Variants in TLE3 observed in about 807,000 individuals in gnomAD.
TLE3 encodes the protein TLE family member 3, transcriptional corepressor, also known as transducin-like enhancer protein 3.
A neutral mutation model predicts 93.0 loss-of-function variants in TLE3; 14 were observed. That is an observed-to-expected ratio of 0.15 (90% CI 0.10 to 0.24). The LOEUF is 0.24. Ranked by LOEUF, TLE3 falls within the 10% of genes least tolerant of loss-of-function variation. The pLI is 1.00. For synonymous variants in TLE3, 451 were observed against 425.0 expected (o/e 1.06, Z -0.75); for missense variants, 693 against 1,046.6 (o/e 0.66, Z 4.66).
chr15:70,077,262 A>G (rs2057493316), intron 4 of TLE3, among the ~76,000 whole-genome samples: 1 of 152,228 alleles, frequency 6.6e-6, no homozygotes, highest in Non-Finnish European at 1.5e-5. Context: ...CCAGATAGAA[A>G]GGCCTAGAAC....
At chr15:70,057,906 G>C in intron 12 of TLE3, 1 of 715,144 alleles carries the variant, frequency 1.4e-6, no homozygotes, top group East Asian at 2.7e-5. Context: ...AGCCTCACTG[G>C]ACTAATGACA....
intron 7 of TLE3, among the ~76,000 whole-genome samples, chr15:70,065,239 G>A (rs1466990458): frequency 6.6e-6 from 1 of 152,254 alleles, no homozygotes; most frequent in Non-Finnish European, 1.5e-5. Context: ...CGTATCTAAG[G>A]GCAGAGTGCA....
At position 70,058,219 on chromosome 15, in the gene TLE3, T is replaced by A; in HGVS notation, c.991A>T (p.Thr331Ser). Residue 331 changes from threonine (T) to serine (S), a missense_variant, in exon 12 of 20, where the codon ACC becomes TCC. Coordinates refer to ENST00000451782, the MANE Select transcript of TLE3 (RefSeq NM_001105192.3). This position sits in a 1 kb window ranked among gnomAD's most constrained non-coding sequence, Gnocchi z 4.1. Reference protein sequence around the residue: ...TPRNDAPTPGTSTTPGLRSMP... With the variant: ...TPRNDAPTPGSSTTPGLRSMP... ...GACCTGAGCCCTGGGGTCGTGCTGG[T>A]GCCTGGAGTTGGGGCGTCGTTCCTT... 6.2e-7 allele frequency: 1 copy of A among 1,613,756 alleles called. No homozygotes were observed. The highest frequency in any genetic ancestry group is 8.5e-7 in the Non-Finnish European group (1 of 1,179,796).
chr15:70,055,798 G>C (rs1425695278), intron 14 of TLE3: 1 of 212,900 alleles, frequency 4.7e-6, no homozygotes, highest in Non-Finnish European at 9.5e-6. Context: ...TTGACAATTA[G>C]AGGACTGTGT....
chr15:70,055,111 C>G lies in TLE3; in HGVS notation c.1516G>C (p.Val506Leu). Residue 506 changes from valine to leucine, a missense_variant, in exon 15 of 20, where the codon GTG becomes CTG. Val to Leu is a conservative substitution (Grantham distance 32). This residue lies in a region of TLE3 where 153 missense variants were observed against 379.9 expected (regional missense o/e 0.40). Coordinates refer to ENST00000451782, the MANE Select transcript of TLE3 (RefSeq NM_001105192.3). ...GGCTGGCTGATGTCCCAGATCTTCACGCAGCCCTTGCCACCTGTGTAGACG... is the reference window on the plus strand; with the variant it reads ...GGCTGGCTGATGTCCCAGATCTTCAGGCAGCCCTTGCCACCTGTGTAGACG... ...RHVYTGGKGC[V>L]KIWDISQPGS... 6.2e-7 allele frequency: 1 copy of G among 1,614,124 alleles called. No individual in the cohort carries two copies. Among genetic ancestry groups the G allele is most frequent in the East Asian group, 2.2e-5 (1 of 44,878 alleles).
At chr15:70,089,113 C>G (rs922990659) in intron 4 of TLE3, among the ~76,000 whole-genome samples, 4 of 152,218 alleles carry the variant, frequency 2.6e-5, no homozygotes, top group African/African-American at 9.6e-5. Flanking sequence ...TGCCTTGCCG[C>G]GAGCTGTTGC....
At chr15:70,055,026 C>T (rs373969231) in intron 15 of TLE3, 23 bp downstream of exon 15, 69 of 1,579,094 alleles carry the variant, frequency 4.4e-5, no homozygotes, top group South Asian at 2.7e-4. Context: ...CTGGAGGCGG[C>T]GCAGCAGCCC....
At chr15:70,050,348 C>T (rs1470199448) in intron 19 of TLE3, 144 bp from the exon 20 acceptor site, 3 of 667,896 alleles carry the variant, frequency 4.5e-6, no homozygotes, top group African/African-American at 3.6e-5. Flanking sequence ...ATGCTCCGAC[C>T]TGGAGCACAG....
chr15:70,062,973 A>G (rs1253601922), intron 8 of TLE3, among the ~76,000 whole-genome samples: 4 of 152,202 alleles, frequency 2.6e-5, no homozygotes, highest in Admixed American at 2.6e-4. Context: ...CAGATGGGGC[A>G]CAAAGCCAGA....
intron 4 of TLE3, chr15:70,079,396 A>ACGTTGGGAGAACCTCCTGGTTCAC (rs2057632605): frequency 2.2e-6 from 1 of 456,842 alleles, no homozygotes; most frequent in Non-Finnish European, 4.3e-6. Flanking sequence ...GGCTGGGCTT[A>ACGTTGGGAGAACCTCCTGGTTCAC]CGTTGGGAGA....
intron 8 of TLE3, among the ~76,000 whole-genome samples, chr15:70,061,320 G>A (rs796365028): frequency 1.3e-5 from 2 of 152,112 alleles, no homozygotes; most frequent in South Asian, 4.1e-4. Flanking sequence ...AAGGAGCAAG[G>A]GCAGGGACAG....
chr15:70,052,284 A>G, intron 18 of TLE3, 90 bp downstream of exon 18: 1 of 1,523,758 alleles, frequency 6.6e-7, no homozygotes, highest in African/African-American at 1.4e-5. Flanking sequence ...CTTATTCTAT[A>G]AGCTTTGGGC....
At position 70,056,291 on chromosome 15, in the gene TLE3, A is replaced by G; in HGVS notation, c.1328+7T>C. 2 of 1,613,524 alleles carry G rather than the reference A, an allele frequency of 1.2e-6. No homozygotes were observed. The highest frequency in any genetic ancestry group is 1.7e-6 in the Non-Finnish European group (2 of 1,179,816). ...CAAAGCATGCAGTAAGTATAGCCAAAGCTTACGGTTTTCCTCCAGGAATGG... is the reference window on the plus strand; with the variant it reads ...CAAAGCATGCAGTAAGTATAGCCAAGGCTTACGGTTTTCCTCCAGGAATGG... On this transcript the variant is annotated splice_region_variant and intron_variant, in intron 14 of 19. Coordinates refer to ENST00000451782, the MANE Select transcript of TLE3 (RefSeq NM_001105192.3).
At chr15:70,079,988 A>T (rs1427798259) in intron 4 of TLE3, among the ~76,000 whole-genome samples, 2 of 151,922 alleles carry the variant, frequency 1.3e-5, no homozygotes, top group Non-Finnish European at 2.9e-5. Flanking sequence ...AATTGACAGC[A>T]CTTCTGATTA....
chr15:70,051,247 T>C, intron 19 of TLE3, 144 bp downstream of exon 19: 1 of 713,134 alleles, frequency 1.4e-6, no homozygotes. Flanking sequence ...CCCTATCAGG[T>C]AGGGGTGGGG....
chr15:70,095,681 G>T (rs936103996), intron 2 of TLE3, 40 bp from the exon 3 acceptor site: 14 of 1,549,318 alleles, frequency 9.0e-6, no homozygotes, highest in African/African-American at 1.4e-5. Flanking sequence ...GTGGCGCCTG[G>T]ACAGCCTCCT....
intron 4 of TLE3, among the ~76,000 whole-genome samples, chr15:70,094,275 T>C (rs2058444793): frequency 6.6e-6 from 1 of 152,026 alleles, no homozygotes; most frequent in Non-Finnish European, 1.5e-5. Context: ...AACTTTCCCT[T>C]TGGTCCTTTA....
intron 8 of TLE3, among the ~76,000 whole-genome samples, chr15:70,064,091 A>T (rs2056666619): frequency 6.6e-6 from 1 of 152,202 alleles, no homozygotes; most frequent in Admixed American, 6.5e-5. Context: ...ACGGAGTTAG[A>T]GCTCATTTAG....
Position 70,058,020 on chromosome 15 carries a change from C to T in TLE3, c.1051+139G>A, listed in dbSNP as rs570701888. ...CTGGTGTCACCTCCTCAAATCTGAC[C>T]GTGAAGTCCCCAGGGGCAGGCCCTG... On this transcript the variant is annotated intron_variant, in intron 12 of 19. Transcript: ENST00000451782. This position sits in a 1 kb window ranked among gnomAD's most constrained non-coding sequence, Gnocchi z 4.1. 6.8e-5 allele frequency: 92 copies of T among 1,361,904 alleles called. 1 individual carries two copies. In the South Asian group the frequency reaches 1.0e-3, roughly 15 times the overall value. The allele number at this position is 1,361,904 out of a possible 1,614,324, so 84.4% of individuals were successfully genotyped here.
Sources: gnomAD v4.1 joint callset for allele counts (sites outside exome capture counted in the v4.1 genomes callset) on GRCh38, gnomAD v4.1.1 for gene constraint, gnomAD v4.1.1 regional missense constraint, Gnocchi (gnomAD v3.1) non-coding constraint, MANE v1.5 for transcripts, NCBI Gene and HGNC (gene_info 2026-07-23, HGNC 2026-07-21) for gene names.